DIP2C: variants seen among roughly 807,000 people sequenced by gnomAD.
DIP2C encodes disco-interacting protein 2 homolog C.
DIP2C carries 33 observed loss-of-function variants against 192.4 expected under a neutral mutation model. That is an observed-to-expected ratio of 0.17 (90% CI 0.13 to 0.23). DIP2C has a LOEUF of 0.23. DIP2C is among the 10% of genes least tolerant of loss of function. The pLI is 1.00. For synonymous variants in DIP2C, 979 were observed against 864.1 expected (o/e 1.13, Z -2.33); for missense variants, 1,537 against 2,110.1 (o/e 0.73, Z 5.32).
chr10:354,177 C>A (rs565954574), intron 24 of DIP2C, among the ~76,000 whole-genome samples: 1 of 152,260 alleles, frequency 6.6e-6, no homozygotes, highest in African/African-American at 2.4e-5. Context: ...CAGGCCATGC[C>A]TTCCACACAG....
chr10:460,047 G>A (rs754080185), intron 3 of DIP2C, among the ~76,000 whole-genome samples: 17 of 149,852 alleles, frequency 1.1e-4, no homozygotes, highest in Non-Finnish European at 2.5e-4. Flanking sequence ...TGCTGCACAT[G>A]AGCTCTAGTA....
chr10:393,235 C>T (rs888516285), intron 10 of DIP2C, among the ~76,000 whole-genome samples: 9 of 152,214 alleles, frequency 5.9e-5, no homozygotes, highest in African/African-American at 2.2e-4. Context: ...ACACTTCTAG[C>T]GGCTGTAGGA....
chr10:658,198 TCCCTGGACCTGC>T (rs1181859356), intron 1 of DIP2C, among the ~76,000 whole-genome samples: 238 of 88,684 alleles, frequency 2.7e-3, no homozygotes, highest in African/African-American at 9.4e-3. Flanking sequence ...ACTGGACCTG[TCCCTGGACCTGC>T]CCCTGGACCT....
intron 1 of DIP2C, among the ~76,000 whole-genome samples, chr10:544,139 TGCGTGACCTTTG>T (rs1336983641): frequency 6.6e-6 from 1 of 150,654 alleles, no homozygotes; most frequent in Non-Finnish European, 1.5e-5. Context: ...AATCGCACAG[TGCGTGACCTTTG>T]GTGTGACCTT....
At chr10:446,032 T>C (rs1051321382) in intron 3 of DIP2C, among the ~76,000 whole-genome samples, 1 of 151,286 alleles carries the variant, frequency 6.6e-6, no homozygotes, top group Non-Finnish European at 1.5e-5. Flanking sequence ...ACTGGACATC[T>C]GTATACATCT....
intron 1 of DIP2C, among the ~76,000 whole-genome samples, chr10:617,331 C>T (rs1853538220): frequency 6.6e-6 from 1 of 152,134 alleles, no homozygotes; most frequent in Non-Finnish European, 1.5e-5. Context: ...CTAGTTCCAC[C>T]CCACTCAGCT....
intron 29 of DIP2C, among the ~76,000 whole-genome samples, chr10:339,854 CTATTAAA>C (rs1396845293): frequency 1.3e-5 from 2 of 152,090 alleles, no homozygotes; most frequent in Admixed American, 1.3e-4. Context: ...CAACTTAATA[CTATTAAA>C]TATTAGTCAC....
At chr10:398,176 C>T (rs996823593) in intron 10 of DIP2C, among the ~76,000 whole-genome samples, 1 of 152,136 alleles carries the variant, frequency 6.6e-6, no homozygotes, top group Non-Finnish European at 1.5e-5. Flanking sequence ...TTTTCCTGAT[C>T]CAGGGGAGAA....
chr10:617,201 C>T (rs1853527573), intron 1 of DIP2C, among the ~76,000 whole-genome samples: 1 of 151,114 alleles, frequency 6.6e-6, no homozygotes, highest in African/African-American at 2.4e-5. Context: ...ATCTCAGCCG[C>T]CCCCTGAAAT....
chr10:372,491 T>C (rs1961084889), intron 17 of DIP2C, among the ~76,000 whole-genome samples: 1 of 152,398 alleles, frequency 6.6e-6, no homozygotes, highest in African/African-American at 2.4e-5. Flanking sequence ...CAGTTATGCT[T>C]ATACAATGAT....
At chr10:343,770 T>G (rs544742605) in intron 28 of DIP2C, among the ~76,000 whole-genome samples, 3 of 152,196 alleles carry the variant, frequency 2.0e-5, no homozygotes, top group Non-Finnish European at 4.4e-5. Context: ...AAGCACTATT[T>G]CTAGGTGGAG....
chr10:478,590 C>T (rs902448601), intron 2 of DIP2C, among the ~76,000 whole-genome samples: 35 of 151,516 alleles, frequency 2.3e-4, no homozygotes, highest in Middle Eastern at 3.2e-3. Flanking sequence ...ATCCCGTGTC[C>T]GGGCGTGCTG....
At chr10:596,074 G>A (rs986895819) in intron 1 of DIP2C, among the ~76,000 whole-genome samples, 19 of 152,112 alleles carry the variant, frequency 1.2e-4, no homozygotes, top group African/African-American at 3.4e-4. Context: ...CTGCTCAAAC[G>A]GATAACTCCT....
At chr10:599,941 A>T (rs1317287365) in intron 1 of DIP2C, among the ~76,000 whole-genome samples, 1 of 152,088 alleles carries the variant, frequency 6.6e-6, no homozygotes, top group Non-Finnish European at 1.5e-5. Context: ...ACACCTCAAG[A>T]GGCCGGGTGT....
chr10:336,323 G>A (rs747225789), intron 29 of DIP2C, among the ~76,000 whole-genome samples: 1 of 119,058 alleles, frequency 8.4e-6, no homozygotes, highest in Admixed American at 9.7e-5. Flanking sequence ...AATTTCTACT[G>A]CCTAGAGATG....
chr10:627,334 T>A (rs1438633801), intron 1 of DIP2C, among the ~76,000 whole-genome samples: 1 of 152,206 alleles, frequency 6.6e-6, no homozygotes, highest in Non-Finnish European at 1.5e-5. Flanking sequence ...CCCATCAGCA[T>A]CCCAGCATCT....
intron 1 of DIP2C, among the ~76,000 whole-genome samples, chr10:672,031 G>A (rs1352992179): frequency 7.1e-6 from 1 of 140,524 alleles, no homozygotes; most frequent in African/African-American, 2.7e-5. Flanking sequence ...ACAGACGCAC[G>A]GAAGGAGGAA....
Position 363,402 on chromosome 10 carries a change from G to A in DIP2C, c.2478-91C>T. 3.8e-6 allele frequency: 4 copies of A among 1,054,276 alleles called. No individual in the cohort carries two copies. The Admixed American group carries it at 7.9e-5, about 21-fold the overall frequency. 65.3% of individuals were successfully genotyped at this position (1,054,276 alleles called of 1,614,324 possible). On this transcript the variant is annotated intron_variant, in intron 20 of 36. Transcript: ENST00000280886. This position sits in a 1 kb window ranked among gnomAD's most constrained non-coding sequence, Gnocchi z 5.4. ...CAGGGGCTCCATAACCATCACTAGT[G>A]AGTGACACAGCTCCAACTACGACTT...
chr10:387,933 T>A, intron 13 of DIP2C, 124 bp from the exon 14 acceptor site: 1 of 1,137,236 alleles, frequency 8.8e-7, no homozygotes, highest in Non-Finnish European at 1.3e-6. Context: ...CATTTTGCCG[T>A]ATCTTGGTGG....
Sources: gnomAD v4.1 joint callset for allele counts (sites outside exome capture counted in the v4.1 genomes callset) on GRCh38, gnomAD v4.1.1 for gene constraint, Gnocchi (gnomAD v3.1) non-coding constraint, MANE v1.5 for transcripts, NCBI Gene and HGNC (gene_info 2026-07-23, HGNC 2026-07-21) for gene names.